Variants in NTSR2 observed in about 807,000 individuals in gnomAD.
NTSR2 encodes neurotensin receptor type 2.
NTSR2 carries 22 observed loss-of-function variants against 24.1 expected under a neutral mutation model. That is an observed-to-expected ratio of 0.91 (90% CI 0.65 to 1.30). The LOEUF (loss-of-function observed/expected upper bound fraction) is 1.30. Among genes scored for constraint, NTSR2 ranks in the 50% most tolerant of loss-of-function variants. The pLI is 0.00. For synonymous variants in NTSR2, 291 were observed against 267.0 expected (o/e 1.09, Z -0.88); for missense variants, 570 against 570.4 (o/e 1.00, Z 0.01).
Position 11,669,925 on chromosome 2 carries a change from G to T in NTSR2, c.205C>A (p.Arg69Ser), listed in dbSNP as rs762418998. ...AGCGCCAGGCTGAGCACGTGGTGGC[G>T]CAGGCGCCCCGCGCGCCCGGCCCGC... ...KARAGRAGRL[R>S]HHVLSLALAG... The change falls in exon 1 of 4, where the codon CGC becomes AGC. Residue 69 changes from arginine (R) to serine (S), a missense_variant. By Grantham distance (110) the Arg-to-Ser change is moderately radical. Transcript: ENST00000306928. 10 of 1,535,888 alleles carry T rather than the reference G, an allele frequency of 6.5e-6. No homozygotes were observed. Among genetic ancestry groups the T allele is most frequent in the Admixed American group, 2.0e-5 (1 of 49,180 alleles).
At chr2:11,667,789 C>T (rs1038913983) in intron 1 of NTSR2, among the ~76,000 whole-genome samples, 2 of 152,230 alleles carry the variant, frequency 1.3e-5, no homozygotes, top group Admixed American at 6.5e-5. Flanking sequence ...CACGGGAGAC[C>T]TGTGTCCTGC....
chr2:11,662,243 G>C lies in NTSR2; in HGVS notation c.625-3C>G. On this transcript the variant is annotated splice_polypyrimidine_tract_variant and splice_region_variant and intron_variant, in intron 1 of 3. Coordinates refer to ENST00000306928, the MANE Select transcript of NTSR2 (RefSeq NM_012344.4). ...ACGAAGGACACCAGCACATTCACCT[G>C]TGGAGGTAATGCCAAGGGCTATGGG... The C allele has an allele frequency of 6.7e-7, 1 of 1,500,618 alleles. No homozygotes were observed. Among genetic ancestry groups the C allele is most frequent in the Non-Finnish European group, 8.9e-7 (1 of 1,123,244 alleles). The allele number at this position is 1,500,618 out of a possible 1,614,324, so 93.0% of individuals were successfully genotyped here.
chr2:11,660,075 C>T lies in NTSR2; in HGVS notation c.957G>A (p.Met319Ile), dbSNP rs376830741. The change falls in exon 3 of 4, where the codon ATG (methionine) becomes ATA (isoleucine). Residue 319 changes from methionine to isoleucine, a missense_variant. Physicochemically the swap from Met to Ile is conservative, Grantham distance 10 (BLOSUM62 1). Coordinates refer to ENST00000306928, the MANE Select transcript of NTSR2 (RefSeq NM_012344.4). ...ACGCGTCATCAGGTACGTAGCAGTA[C>T]ATGAGCCTGCGGGCATGGTACGGCA... ...CWLPYHARRL[M>I]YCYVPDDAWT... 17 of 1,613,902 alleles carry T rather than the reference C, an allele frequency of 1.1e-5. No individual in the cohort carries two copies. In the African/African-American group the frequency reaches 1.6e-4, roughly 15 times the overall value.
At position 11,668,079 on chromosome 2, in the gene NTSR2, A is replaced by ATT. The variant is rs1572270005; in HGVS notation, c.624+1426_624+1427insAA. On this transcript the variant is annotated intron_variant, in intron 1 of 3. Transcript: ENST00000306928. ...CTGTGGGGCATGCTCAATATCTGGA[A>ATT]GGATTCTGGCCGTGGAAAGTCCCTC... Among the ~76,000 whole-genome samples, 8 of 152,118 alleles carry ATT rather than the reference A, an allele frequency of 5.3e-5. No individual in the cohort carries two copies. In the East Asian group the frequency reaches 1.6e-3, roughly 30 times the overall value.
intron 1 of NTSR2, chr2:11,665,772 C>A (rs1290198924): frequency 6.6e-6 from 1 of 152,360 alleles, no homozygotes; most frequent in African/African-American, 2.4e-5. Context: ...AGCCCTACTT[C>A]CATGTCAGCA....
Position 11,658,401 on chromosome 2 carries a change from G to A in NTSR2, c.*78C>T, listed in dbSNP as rs972488546. ...TGGCTGCGAAGCTTGAATGATTAGTGATGAGGTTGCTCACCTGCTTTGCCA... is the reference window on the plus strand; with the variant it reads ...TGGCTGCGAAGCTTGAATGATTAGTAATGAGGTTGCTCACCTGCTTTGCCA... On this transcript the variant is annotated 3_prime_UTR_variant, in exon 4 of 4. Coordinates refer to ENST00000306928, the MANE Select transcript of NTSR2 (RefSeq NM_012344.4). 4.0e-6 allele frequency: 6 copies of A among 1,515,746 alleles called. No homozygotes were observed. The African/African-American group carries it at 8.4e-5, about 21-fold the overall frequency. The allele number at this position is 1,515,746 out of a possible 1,614,324, so 93.9% of individuals were successfully genotyped here. A position where few individuals can be genotyped will look rare whatever the true frequency, so the allele number is the denominator to read the frequency against.
chr2:11,669,460 G>GGGGGGGGGGGGGGGGGGCCCC, intron 1 of NTSR2, 46 bp downstream of exon 1: 1 of 254,726 alleles, frequency 3.9e-6, no homozygotes, highest in Non-Finnish European at 6.9e-6. Context: ...TCCCAGCACC[G>GGGGGGGGGGGGGGGGGGCCCC]CCCCCCCACC....
At position 11,669,629 on chromosome 2, in the gene NTSR2, G is replaced by A. The variant is rs771138478; in HGVS notation, c.501C>T (p.Ala167=). Residue 167 remains alanine (A), a synonymous_variant, in exon 1 of 4, where the codon GCC becomes GCT. Coordinates refer to ENST00000306928, the MANE Select transcript of NTSR2 (RefSeq NM_012344.4). ...ALSWAASLGL[A]LPMAVIMGQK... is the part of the protein sequence containing the mutation. ...GCCCCATGATGACGGCCATGGGCAG[G>A]GCGAGGCCGAGCGAGGCGGCCCACG... is the stretch of plus-strand genomic sequence containing the variant. The A allele has an allele frequency of 1.3e-5, 20 of 1,573,818 alleles. No individual in the cohort carries two copies. In the South Asian group the frequency reaches 1.8e-4, roughly 14 times the overall value.
intron 2 of NTSR2, 108 bp from the exon 3 acceptor site, chr2:11,660,241 T>C: frequency 1.2e-6 from 1 of 813,696 alleles, no homozygotes; most frequent in Non-Finnish European, 2.0e-6. Context: ...AGCATTTCCC[T>C]CTAACTTGGT....
chr2:11,667,391 C>T (rs930105586), intron 1 of NTSR2, among the ~76,000 whole-genome samples: 15 of 152,118 alleles, frequency 9.9e-5, no homozygotes, highest in Non-Finnish European at 1.6e-4. Flanking sequence ...CTGTCACCCC[C>T]GCTGGAGTGC....
At chr2:11,658,821 C>T (rs963507154) in intron 3 of NTSR2, 99 bp from the exon 4 acceptor site, 7 of 1,369,604 alleles carry the variant, frequency 5.1e-6, no homozygotes, top group African/African-American at 2.9e-5. Context: ...GGCTGCATGA[C>T]GAAGCCTATT....
chr2:11,669,562 C>T lies in NTSR2; in HGVS notation c.568G>A (p.Ala190Thr), dbSNP rs753481628. The change falls in exon 1 of 4, where the codon GCC becomes ACC. Residue 190 changes from alanine to threonine, a missense_variant. Coordinates refer to ENST00000306928, the MANE Select transcript of NTSR2 (RefSeq NM_012344.4). Reference sequence around the variant, plus strand: ...ACCAGCACCGTGCACACTCGCGAGGCGGGCTCCGGCTCCCCGTCCGCCGTC... The same window carrying T: ...ACCAGCACCGTGCACACTCGCGAGGTGGGCTCCGGCTCCCCGTCCGCCGTC... ...LETADGEPEP[A>T]SRVCTVLVSR... 6.4e-6 allele frequency: 10 copies of T among 1,562,416 alleles called. No individual in the cohort carries two copies. Among genetic ancestry groups the T allele is most frequent in the South Asian group, 3.5e-5 (3 of 85,116 alleles).
At chr2:11,659,432 C>T (rs1315394161) in intron 3 of NTSR2, among the ~76,000 whole-genome samples, 1 of 152,248 alleles carries the variant, frequency 6.6e-6, no homozygotes, top group Non-Finnish European at 1.5e-5. Context: ...TTGGCACGAG[C>T]TCATGTTGCC....
rs1553393612 is a variant in NTSR2, at chr2:11,669,983, G to A, written c.147C>T (p.Gly49=). The A allele has an allele frequency of 6.6e-7, 1 of 1,512,194 alleles. No homozygotes were observed. Among genetic ancestry groups the A allele is most frequent in the Non-Finnish European group, 8.8e-7 (1 of 1,136,918 alleles). 93.7% of individuals were successfully genotyped at this position (1,512,194 alleles called of 1,614,324 possible). A position where few individuals can be genotyped will look rare whatever the true frequency, so the allele number is the denominator to read the frequency against. The stretch of plus-strand genomic sequence containing the variant: ...GCACCACGTGCGCGGACAGCGCATT[G>A]CCCGCCGCGCCCAGCGCCCAGATGA... ...YALIWALGAA[G]NALSAHVVLK... The change falls in exon 1 of 4, where the codon GGC becomes GGT. Residue 49 remains glycine (G), a synonymous_variant. Coordinates refer to ENST00000306928, the MANE Select transcript of NTSR2 (RefSeq NM_012344.4).
intron 3 of NTSR2, among the ~76,000 whole-genome samples, chr2:11,658,965 T>C (rs775299094): frequency 2.0e-5 from 3 of 152,212 alleles, no homozygotes; most frequent in Non-Finnish European, 4.4e-5. Context: ...GCAATTCTCC[T>C]GCCTACAGTC....
chr2:11,666,306 G>GCTTA (rs1661198153), intron 1 of NTSR2, among the ~76,000 whole-genome samples: 1 of 152,104 alleles, frequency 6.6e-6, no homozygotes, highest in Non-Finnish European at 1.5e-5. Flanking sequence ...ACACCCCTTT[G>GCTTA]CTTACTCATG....
At chr2:11,664,521 C>G (rs1661153541) in intron 1 of NTSR2, among the ~76,000 whole-genome samples, 1 of 152,162 alleles carries the variant, frequency 6.6e-6, no homozygotes, top group South Asian at 2.1e-4. Flanking sequence ...TATCTTAATG[C>G]TTGCTCACAA....
chr2:11,669,965 G>C lies in NTSR2; in HGVS notation c.165C>G (p.His55Gln). The C allele has an allele frequency of 6.6e-7, 1 of 1,513,778 alleles. No homozygotes were observed. The highest frequency in any genetic ancestry group is 8.8e-7 in the Non-Finnish European group (1 of 1,137,538). 93.8% of individuals were successfully genotyped at this position (1,513,778 alleles called of 1,614,324 possible). Residue 55 changes from histidine (H) to glutamine (Q), a missense_variant, in exon 1 of 4, where the codon CAC (histidine) becomes CAG (glutamine). By Grantham distance (24) the His-to-Gln change is conservative. Coordinates refer to ENST00000306928, the MANE Select transcript of NTSR2 (RefSeq NM_012344.4). Reference protein sequence around the residue: ...LGAAGNALSAHVVLKARAGRA... With the variant: ...LGAAGNALSAQVVLKARAGRA... ...GCCCGGCCCGCGCCTTCAGCACCAC[G>C]TGCGCGGACAGCGCATTGCCCGCCG... is the stretch of plus-strand genomic sequence containing the variant.
intron 1 of NTSR2, among the ~76,000 whole-genome samples, chr2:11,666,476 G>A (rs560369750): frequency 6.6e-6 from 1 of 152,260 alleles, no homozygotes; most frequent in South Asian, 2.1e-4. Flanking sequence ...TGAGACGGGT[G>A]GATCACGAGG....
Sources: allele counts gnomAD v4.1 joint callset (sites outside exome capture counted in the v4.1 genomes callset), GRCh38; gene constraint gnomAD v4.1.1; transcripts MANE v1.5; gene names NCBI Gene and HGNC (gene_info 2026-07-23, HGNC 2026-07-21).